DPP6: variants seen among roughly 807,000 people sequenced by gnomAD.
DPP6 encodes dipeptidyl peptidase like 6.
A neutral mutation model predicts 122.6 loss-of-function variants in DPP6; 69 were observed. The ratio of observed to expected loss-of-function variants is 0.56; its 90% CI spans 0.46 to 0.69. DPP6 has a LOEUF of 0.69. Ranked by LOEUF, DPP6 falls within the 30% of genes least tolerant of loss-of-function variation. DPP6 has a pLI of 0.00. For synonymous variants in DPP6, 418 were observed against 433.1 expected (o/e 0.97, Z 0.43); for missense variants, 928 against 1,116.9 (o/e 0.83, Z 2.41).
intron 1 of DPP6, among the ~76,000 whole-genome samples, chr7:154,275,096 G>A (rs1804043269): frequency 6.6e-6 from 1 of 152,266 alleles, no homozygotes; most frequent in Admixed American, 6.5e-5. Flanking sequence ...CCGGCACGCT[G>A]CCAGAGCTCT....
chr7:154,645,928 T>C (rs1268997585), intron 6 of DPP6, among the ~76,000 whole-genome samples: 2 of 145,670 alleles, frequency 1.4e-5, no homozygotes, highest in Non-Finnish European at 3.0e-5. Context: ...CTTGGGAGGC[T>C]GAGGCAGGAG....
chr7:154,305,283 G>C, intron 1 of DPP6: 1 of 1,313,066 alleles, frequency 7.6e-7, no homozygotes, highest in South Asian at 2.4e-5. Flanking sequence ...GCAGCTTCCT[G>C]CTTCGGATCC....
At chr7:153,767,177 C>A in the DPP6 span, among the ~76,000 whole-genome samples, 1 of 152,162 alleles carries the variant, frequency 6.6e-6, no homozygotes, top group Non-Finnish European at 1.5e-5. Context: ...CCAAGTGATG[C>A]TGTGAGGCAA....
intron 1 of DPP6, among the ~76,000 whole-genome samples, chr7:154,365,246 T>C (rs1377825598): frequency 6.6e-6 from 1 of 152,216 alleles, no homozygotes; most frequent in Non-Finnish European, 1.5e-5. Flanking sequence ...TTTGCCAAGC[T>C]AGGCAGTCAC....
At position 154,662,945 on chromosome 7, in the gene DPP6, G is replaced by C. The variant is rs1380928246; in HGVS notation, c.681-6415G>C. 3.0e-5 allele frequency among the ~76,000 whole-genome samples: 2 copies of C among 65,772 alleles called. 1 individual carries two copies. The highest frequency in any genetic ancestry group is 7.9e-5 in the Non-Finnish European group (2 of 25,350). 43.1% of individuals were successfully genotyped at this position (65,772 alleles called of 152,430 possible). On this transcript the variant is annotated intron_variant, in intron 6 of 25. Coordinates refer to ENST00000377770, the MANE Select transcript of DPP6 (RefSeq NM_130797.4). ...TATAGTCATGGTGAATCACCATGGC[G>C]TATCGGCCGTAGTGTTCATATAGTC...
intron 1 of DPP6, among the ~76,000 whole-genome samples, chr7:154,166,944 G>A (rs1212736560): frequency 2.7e-5 from 4 of 147,696 alleles, no homozygotes; most frequent in South Asian, 2.1e-4. Context: ...GCAGTGAACC[G>A]AGATCACACC....
intron 1 of DPP6, among the ~76,000 whole-genome samples, chr7:154,192,407 A>G (rs1481740197): frequency 6.6e-6 from 1 of 152,246 alleles, no homozygotes; most frequent in Non-Finnish European, 1.5e-5. Context: ...TAGACCTTCC[A>G]GTTCCTTCAC....
rs1021246711 is a variant in DPP6 at position 154,643,689 on chromosome 7, C to T, written c.680+5816C>T. ...TTCACCGTGTTAGCTAGGATGGTCT[C>T]GATCTCCTGACCTCGTGATCTGCCC... On this transcript the variant is annotated intron_variant, in intron 6 of 25. Coordinates refer to ENST00000377770, the MANE Select transcript of DPP6 (RefSeq NM_130797.4). Among the ~76,000 whole-genome samples, 4 of 152,020 alleles carry T rather than the reference C, an allele frequency of 2.6e-5. No individual in the cohort carries two copies. In the East Asian group the frequency reaches 5.8e-4, roughly 22 times the overall value.
At chr7:154,510,293 C>T (rs1825965199) in intron 3 of DPP6, among the ~76,000 whole-genome samples, 1 of 152,160 alleles carries the variant, frequency 6.6e-6, no homozygotes, top group African/African-American at 2.4e-5. Flanking sequence ...CTAGTCTGGA[C>T]AGCTTTCTGA....
intron 20 of DPP6, 166 bp downstream of exon 20, chr7:154,876,266 A>T: frequency 8.2e-7 from 1 of 1,216,352 alleles, no homozygotes; most frequent in Non-Finnish European, 1.1e-6. Context: ...TTTCAAAGGA[A>T]ACTTAGGAAT....
At position 154,794,210 on chromosome 7, in the gene DPP6, G is replaced by C. The variant is rs753056866; in HGVS notation, c.1260+8G>C. 6 of 1,600,940 alleles carry C rather than the reference G, an allele frequency of 3.7e-6. No homozygotes were observed. In the South Asian group the frequency reaches 6.7e-5, roughly 18 times the overall value. On this transcript the variant is annotated splice_region_variant and intron_variant, in intron 11 of 25. Transcript: ENST00000377770. ...ACGGGGGTCTGCACGAAGGTACGCG[G>C]GGCTGTGGGGGTGGAGGGGAGACGG...
At chr7:154,060,116 GGGACTGCA>G (rs1801490622) in intron 1 of DPP6, among the ~76,000 whole-genome samples, 2 of 138,244 alleles carry the variant, frequency 1.4e-5, no homozygotes, top group Non-Finnish European at 3.1e-5. Flanking sequence ...CTCCCGAGGC[GGGACTGCA>G]AACCTCCACC....
intron 1 of DPP6, among the ~76,000 whole-genome samples, chr7:154,335,509 C>T (rs1166370872): frequency 6.6e-6 from 1 of 152,212 alleles, no homozygotes; most frequent in Non-Finnish European, 1.5e-5. Flanking sequence ...TAAACTGTGA[C>T]ACTCGAAATC....
intron 1 of DPP6, among the ~76,000 whole-genome samples, chr7:153,974,600 A>G (rs1796200751): frequency 6.6e-6 from 1 of 152,110 alleles, no homozygotes; most frequent in Non-Finnish European, 1.5e-5. Context: ...AAAATCTTCC[A>G]CAATTCCTCT....
intron 1 of DPP6, among the ~76,000 whole-genome samples, chr7:153,890,307 G>T (rs1045329283): frequency 1.3e-5 from 2 of 152,210 alleles, no homozygotes; most frequent in African/African-American, 4.8e-5. Context: ...AAGACACTTT[G>T]CACTGCCCAA....
At chr7:153,784,916 G>A in the DPP6 span, among the ~76,000 whole-genome samples, 105 of 152,274 alleles carry the variant, frequency 6.9e-4, 1 homozygote, top group Non-Finnish European at 1.3e-3. Context: ...CTTAATTATT[G>A]CAAAATAACC....
At chr7:153,864,900 T>C in the DPP6 span, among the ~76,000 whole-genome samples, 1 of 152,068 alleles carries the variant, frequency 6.6e-6, no homozygotes, top group South Asian at 2.1e-4. Context: ...TCAATTTAAA[T>C]CTCAGGATCA....
chr7:154,875,721 T>C lies in DPP6; in HGVS notation c.1884-185T>C, dbSNP rs2150653796. Among the ~76,000 whole-genome samples the C allele has an allele frequency of 6.6e-6, 1 of 152,132 alleles. No homozygotes were observed. The highest frequency in any genetic ancestry group is 6.5e-5 in the Admixed American group (1 of 15,278). On this transcript the variant is annotated intron_variant, in intron 19 of 25. Coordinates refer to ENST00000377770, the MANE Select transcript of DPP6 (RefSeq NM_130797.4). The surrounding 1 kb of genome is among the most constrained non-coding windows in gnomAD (Gnocchi z 4.5). ...TTGGAGGTCTCCTCTTCCTCCTCACTTTATGGGGTGTGGATAACACCTGGC... is the reference window on the plus strand; with the variant it reads ...TTGGAGGTCTCCTCTTCCTCCTCACCTTATGGGGTGTGGATAACACCTGGC...
At position 154,403,718 on chromosome 7, in the gene DPP6, C is replaced by T. The variant is rs924108661; in HGVS notation, c.244-42496C>T. 3.3e-5 allele frequency among the ~76,000 whole-genome samples: 5 copies of T among 152,214 alleles called. No individual in the cohort carries two copies. The highest frequency in any genetic ancestry group is 2.0e-4 in the Admixed American group (3 of 15,270). Reference sequence around the variant, plus strand: ...AGGTTGCGTTCATGCCGTGACAGTCCATTCAGGGGTGCAGGAGCTGGTAGC... The same window carrying T: ...AGGTTGCGTTCATGCCGTGACAGTCTATTCAGGGGTGCAGGAGCTGGTAGC... On this transcript the variant is annotated intron_variant, in intron 1 of 25. Transcript: ENST00000377770. The surrounding 1 kb of genome is among the most constrained non-coding windows in gnomAD (Gnocchi z 4.1).
Sources: gnomAD v4.1 joint callset for allele counts (sites outside exome capture counted in the v4.1 genomes callset) on GRCh38, gnomAD v4.1.1 for gene constraint, Gnocchi (gnomAD v3.1) non-coding constraint, MANE v1.5 for transcripts, NCBI Gene and HGNC (gene_info 2026-07-23, HGNC 2026-07-21) for gene names.